The following HEG1 variants were observed in gnomAD, a reference collection of about 807,000 sequenced individuals.
HEG1 encodes the protein protein HEG homolog 1.
HEG1 carries 56 observed loss-of-function variants against 125.6 expected under a neutral mutation model. The ratio of observed to expected loss-of-function variants is 0.45; its 90% CI spans 0.36 to 0.56. HEG1 has a LOEUF of 0.56. Among genes scored for constraint, HEG1 ranks in the 20% least tolerant of loss-of-function variants. The pLI, the probability that HEG1 is intolerant of heterozygous loss-of-function variation, is 0.00. For missense variants in HEG1, 1,523 were observed against 1,670.0 expected, an observed-to-expected ratio of 0.91 and a Z score of 1.53; for synonymous variants, 644 against 668.5, an observed-to-expected ratio of 0.96 and a Z score of 0.57.
At chr3:125,018,083 T>C (rs138476931) in intron 5 of HEG1, among the ~76,000 whole-genome samples, 72 of 151,766 alleles carry the variant, frequency 4.7e-4, no homozygotes, top group Admixed American at 2.9e-3. Context: ...TGTACCTGAA[T>C]GTTCACCACA....
At chr3:125,054,262 C>T (rs140699023) in intron 1 of HEG1, among the ~76,000 whole-genome samples, 315 of 152,378 alleles carry the variant, frequency 2.1e-3, no homozygotes, top group African/African-American at 7.1e-3. Context: ...GTCTCCTACA[C>T]GTCTTCAGAA....
chr3:124,993,525 T>C (rs542169833), intron 12 of HEG1, among the ~76,000 whole-genome samples: 105 of 152,288 alleles, frequency 6.9e-4, no homozygotes, highest in African/African-American at 2.2e-3. Flanking sequence ...CTCTGCTTCA[T>C]ACTGCAGCAG....
At chr3:124,971,798 T>C in intron 16 of HEG1, among the ~76,000 whole-genome samples, 1 of 150,806 alleles carries the variant, frequency 6.6e-6, no homozygotes, top group Non-Finnish European at 1.5e-5. Flanking sequence ...CCTTTTTTTT[T>C]TTTTTTTTGA....
chr3:125,032,863 C>T (rs567761007), intron 1 of HEG1, among the ~76,000 whole-genome samples: 2 of 152,226 alleles, frequency 1.3e-5, no homozygotes, highest in South Asian at 4.2e-4. Flanking sequence ...GTGAGTGTGG[C>T]GGGGCCTTTG....
At chr3:124,971,237 A>G (rs1936417267) in intron 16 of HEG1, 2 of 451,654 alleles carry the variant, frequency 4.4e-6, no homozygotes, top group East Asian at 7.0e-5. Flanking sequence ...ACTAGCTACT[A>G]TGTATCATAA....
intron 5 of HEG1, among the ~76,000 whole-genome samples, chr3:125,017,895 G>T (rs1420349984): frequency 6.6e-6 from 1 of 151,936 alleles, no homozygotes; most frequent in Non-Finnish European, 1.5e-5. Context: ...CAGGCGTGGT[G>T]GTGGGCACCT....
At chr3:125,014,138 G>T in intron 5 of HEG1, 148 bp from the exon 6 acceptor site, 1 of 734,330 alleles carries the variant, frequency 1.4e-6, no homozygotes, top group Non-Finnish European at 2.2e-6. Flanking sequence ...TCAAGGGTGA[G>T]CACTCTGAAT....
intron 1 of HEG1, 78 bp from the exon 2 acceptor site, chr3:125,029,566 T>A: frequency 7.4e-7 from 1 of 1,356,652 alleles, no homozygotes; most frequent in Non-Finnish European, 1.0e-6. Context: ...AAAGACACCG[T>A]GAAATACATC....
chr3:124,971,148 C>T (rs981869042), intron 16 of HEG1: 2 of 478,050 alleles, frequency 4.2e-6, no homozygotes, highest in East Asian at 6.3e-5. Context: ...AAAAAGGCTC[C>T]CTGGGAATAA....
intron 14 of HEG1, among the ~76,000 whole-genome samples, chr3:124,978,936 T>C (rs898375213): frequency 2.6e-5 from 4 of 151,770 alleles, no homozygotes; most frequent in Non-Finnish European, 4.4e-5. Flanking sequence ...ATAGTAGATA[T>C]AAAAATTCTT....
chr3:124,974,011 A>G, intron 15 of HEG1, 106 bp from the exon 16 acceptor site: 1 of 773,122 alleles, frequency 1.3e-6, no homozygotes, highest in South Asian at 1.9e-5. Flanking sequence ...AGCTACCATT[A>G]TATTTATTTG....
At chr3:125,042,614 C>G (rs921168452) in intron 1 of HEG1, among the ~76,000 whole-genome samples, 1 of 152,164 alleles carries the variant, frequency 6.6e-6, no homozygotes, top group African/African-American at 2.4e-5. Flanking sequence ...GGGGTAGACA[C>G]TGAGACTGTG....
chr3:125,008,778 C>G lies in HEG1; in HGVS notation c.3193+927G>C, dbSNP rs529127457. ...TGCCACTGCACCACAGCCTGGGCAA[C>G]AGAGTGAGACTCCGTCTCAAAAAAA... On this transcript the variant is annotated intron_variant, in intron 8 of 16. Transcript: ENST00000311127. Among the ~76,000 whole-genome samples, 3 of 151,894 alleles carry G rather than the reference C, an allele frequency of 2.0e-5. No individual in the cohort carries two copies. In the South Asian group the frequency reaches 6.3e-4, roughly 32 times the overall value.
chr3:124,978,338 A>G (rs527486553), intron 14 of HEG1, among the ~76,000 whole-genome samples: 2 of 152,190 alleles, frequency 1.3e-5, no homozygotes, highest in South Asian at 4.1e-4. Context: ...TAGTAGAGAC[A>G]GGGTTTCACC....
At chr3:124,987,655 G>C (rs1936759743) in intron 14 of HEG1, among the ~76,000 whole-genome samples, 1 of 150,686 alleles carries the variant, frequency 6.6e-6, no homozygotes, top group Non-Finnish European at 1.5e-5. Context: ...TGAGTAGCTG[G>C]AACTACAGGC....
chr3:124,991,442 T>C (rs1936833179), intron 12 of HEG1, among the ~76,000 whole-genome samples: 1 of 152,134 alleles, frequency 6.6e-6, no homozygotes, highest in Non-Finnish European at 1.5e-5. Context: ...TGATTCGCCA[T>C]GCCTAGCCTC....
At position 124,968,864 on chromosome 3, in the gene HEG1, G is replaced by A. The variant is rs1317343140; in HGVS notation, c.*1788C>T. On this transcript the variant is annotated 3_prime_UTR_variant, in exon 17 of 17. Coordinates refer to ENST00000311127, the MANE Select transcript of HEG1 (RefSeq NM_020733.2). ...AAAAAGGCGACACTTTGAAATTTTA[G>A]GTTAGCCTCCACTGATAAAAACAGT... 2 of 152,208 alleles carry A rather than the reference G, an allele frequency of 1.3e-5. No homozygotes were observed. Among genetic ancestry groups the A allele is most frequent in the Admixed American group, 6.5e-5 (1 of 15,276 alleles). The allele number at this position is 152,208 out of a possible 1,614,324, so 9.4% of individuals were successfully genotyped here.
intron 1 of HEG1, among the ~76,000 whole-genome samples, chr3:125,047,510 C>T (rs555787201): frequency 2.0e-5 from 3 of 152,172 alleles, no homozygotes; most frequent in East Asian, 1.9e-4. Flanking sequence ...GACTGTCTGA[C>T]GCTTCCAAGC....
Position 125,034,922 on chromosome 3 carries a change from T to C in HEG1, c.317-5434A>G, listed in dbSNP as rs116875531. Among the ~76,000 whole-genome samples, 46 of 152,274 alleles carry C rather than the reference T, an allele frequency of 3.0e-4. 1 individual carries two copies. In the East Asian group the frequency reaches 8.9e-3, roughly 29 times the overall value. On this transcript the variant is annotated intron_variant, in intron 1 of 16. Transcript: ENST00000311127. ...GTGAGAAAGTCCAACACACAACTGATTGGAGTTTAGGAGGAGAAAACAGAG... is the reference window on the plus strand; with the variant it reads ...GTGAGAAAGTCCAACACACAACTGACTGGAGTTTAGGAGGAGAAAACAGAG...
Sources: gnomAD v4.1 joint callset for allele counts (sites outside exome capture counted in the v4.1 genomes callset) on GRCh38, gnomAD v4.1.1 for gene constraint, MANE v1.5 for transcripts, NCBI Gene and HGNC (gene_info 2026-07-23, HGNC 2026-07-21) for gene names.